Variants in PLCD3 observed in about 807,000 individuals in gnomAD.
PLCD3 encodes 1-phosphatidylinositol 4,5-bisphosphate phosphodiesterase delta-3.
PLCD3 carries 62 observed loss-of-function variants against 82.8 expected under a neutral mutation model. The observed-to-expected ratio is 0.75, with a 90% CI of 0.61 to 0.93. The LOEUF (loss-of-function observed/expected upper bound fraction) is 0.93. PLCD3 is among the 40% of genes least tolerant of loss of function. The pLI is 0.00. For missense variants in PLCD3, 1,023 were observed against 1,103.4 expected (o/e 0.93, Z 1.03); for synonymous variants, 478 against 471.8 (o/e 1.01, Z -0.17).
chr17:45,114,905 G>A (rs79923655), intron 10 of PLCD3, among the ~76,000 whole-genome samples, 189 bp downstream of exon 10: 1,621 of 152,088 alleles, frequency 0.011, 27 homozygotes, highest in African/African-American at 0.037. Context: ...ACAGCAGGCC[G>A]CCCTCAGCGT....
chr17:45,118,048 G>A lies in PLCD3; in HGVS notation c.1206C>T (p.Thr402=), dbSNP rs772167519. The change falls in exon 7 of 15, where the codon ACC becomes ACT. Residue 402 remains threonine (T), a synonymous_variant. Transcript: ENST00000619929. This position sits in a 1 kb window ranked among gnomAD's most constrained non-coding sequence, Gnocchi z 4.1. ...CCACGTCCCGGAAGAGAATCTTGGA[G>A]GTGAGGGTATGGCCATGATAGATGA... ...EPVIYHGHTL[T]SKILFRDVVQ... is the part of the protein sequence containing the mutation. 3 of 1,613,710 alleles carry A rather than the reference G, an allele frequency of 1.9e-6. No homozygotes were observed. The highest frequency in any genetic ancestry group is 1.7e-5 in the Admixed American group (1 of 59,986).
In PLCD3 at chr17:45,115,449, G is replaced by A. The variant is rs146128980; in HGVS notation, c.1455C>T (p.Pro485=). Residue 485 remains proline, a synonymous_variant, in exon 9 of 15, where the codon CCC becomes CCT. Transcript: ENST00000619929. ...CCCGGCCATCCTCGCTCCGAGCAGC[G>A]GGCAACTTCTTTCCCTTCACCAGGA... ...GRVLVKGKKL[P]AARSEDGRAL... The A allele has an allele frequency of 2.3e-5, 37 of 1,612,396 alleles. No individual in the cohort carries two copies. Among genetic ancestry groups the A allele is most frequent in the East Asian group, 2.0e-4 (9 of 44,822 alleles).
At chr17:45,116,815 A>T in intron 7 of PLCD3, 31 bp from the exon 8 acceptor site, 1 of 1,528,960 alleles carries the variant, frequency 6.5e-7, no homozygotes, top group Non-Finnish European at 8.8e-7. Context: ...GCTCAGAGCC[A>T]CTCCCCTCCC....
chr17:45,119,215 G>A (rs948415846), intron 4 of PLCD3, 172 bp from the exon 5 acceptor site: 2 of 620,130 alleles, frequency 3.2e-6, no homozygotes, highest in African/African-American at 3.7e-5. Context: ...TACAGGGCAG[G>A]ATTTTTTGGT....
chr17:45,129,544 G>A (rs781238738), intron 1 of PLCD3, among the ~76,000 whole-genome samples: 1 of 152,238 alleles, frequency 6.6e-6, no homozygotes, highest in African/African-American at 2.4e-5. Context: ...TCTGGCAGCA[G>A]GCAGGCATGT....
chr17:45,120,113 C>T (rs1598031918), intron 4 of PLCD3, among the ~76,000 whole-genome samples: 1 of 152,230 alleles, frequency 6.6e-6, no homozygotes, highest in Non-Finnish European at 1.5e-5. Context: ...AGTTCTGGGC[C>T]CCGGCTCCCC....
rs115344430 is a variant in PLCD3 at position 45,113,174 on chromosome 17, A to G, written c.2079T>C (p.His693=). The stretch of plus-strand genomic sequence containing the variant: ...GCCGGGCACAGTCTGCGGGCACCCC[A>G]TGGATCTCAATGCGCACCAGGGGGT... ...IVDPLVRIEI[H]GVPADCARQE... Residue 693 remains histidine (H), a synonymous_variant, in exon 13 of 15, where the codon CAT becomes CAC. Coordinates refer to ENST00000619929, the MANE Select transcript of PLCD3 (RefSeq NM_133373.5). The G allele has an allele frequency of 3.0e-3, 4,884 of 1,612,766 alleles. 130 individuals carry two copies. The African/African-American group carries it at 0.054, about 18-fold the overall frequency.
chr17:45,116,913 G>T, intron 7 of PLCD3, 129 bp from the exon 8 acceptor site: 1 of 1,209,004 alleles, frequency 8.3e-7, no homozygotes, highest in Non-Finnish European at 1.1e-6. Context: ...GGAAGCAGCA[G>T]ACTGTCCAGG....
At chr17:45,127,005 AG>A (rs1356765668) in intron 1 of PLCD3, among the ~76,000 whole-genome samples, 2 of 152,256 alleles carry the variant, frequency 1.3e-5, no homozygotes, top group Non-Finnish European at 2.9e-5. Flanking sequence ...AGAAGCAGAC[AG>A]CCAGGTCGGC....
rs3744759 is a variant in PLCD3 at position 45,118,332 on chromosome 17, G to A, written c.1074C>T (p.Asp358=). 0.044 allele frequency: 70,960 copies of A among 1,613,964 alleles called. 6,714 individuals are homozygous for A. The highest frequency in any genetic ancestry group is 0.3 in the African/African-American group (22,177 of 74,990). The stretch of plus-strand genomic sequence containing the variant: ...TGCTGCTGGGCCCCCCGATCTGGGA[G>A]TCAGTCAGATAGGTGTTGTGGGAGG... ...ISSSHNTYLT[D]SQIGGPSSTE... The change falls in exon 6 of 15, where the codon GAC becomes GAT. Residue 358 remains aspartate (D), a synonymous_variant. Transcript: ENST00000619929. This position sits in a 1 kb window ranked among gnomAD's most constrained non-coding sequence, Gnocchi z 4.1.
intron 7 of PLCD3, among the ~76,000 whole-genome samples, 165 bp from the exon 8 acceptor site, chr17:45,116,949 T>C (rs1395900351): frequency 1.3e-5 from 2 of 150,680 alleles, no homozygotes; most frequent in Non-Finnish European, 3.0e-5. Context: ...GCAGGAATTA[T>C]TTTTTTTTTC....
rs2054237687 is a variant in PLCD3, at chr17:45,110,956, G to C, written c.*1660C>G. On this transcript the variant is annotated 3_prime_UTR_variant, in exon 15 of 15. Coordinates refer to ENST00000619929, the MANE Select transcript of PLCD3 (RefSeq NM_133373.5). ...GAGTCTGCCCCAGCCCTGTGTTTTG[G>C]TTTCTGTGGGGCTTGGGGCCAGTTC... is the stretch of plus-strand genomic sequence containing the variant. The C allele has an allele frequency of 6.6e-6, 1 of 152,200 alleles. No individual in the cohort carries two copies. Among genetic ancestry groups the C allele is most frequent in the African/African-American group, 2.4e-5 (1 of 41,428 alleles). The allele number at this position is 152,200 out of a possible 1,614,324, so 9.4% of individuals were successfully genotyped here. A position where few individuals can be genotyped will look rare whatever the true frequency, so the allele number is the denominator to read the frequency against.
At position 45,114,289 on chromosome 17, in the gene PLCD3, A is replaced by T. The variant is rs2054271817; in HGVS notation, c.1789T>A (p.Tyr597Asn). 3 of 1,548,034 alleles carry T rather than the reference A, an allele frequency of 1.9e-6. No homozygotes were observed. Among genetic ancestry groups the T allele is most frequent in the Non-Finnish European group, 2.6e-6 (3 of 1,145,726 alleles). The change falls in exon 11 of 15, where the codon TAC (tyrosine) becomes AAC (asparagine). Residue 597 changes from tyrosine (Y) to asparagine (N), a missense_variant. Physicochemically the swap from Tyr to Asn is moderately radical, Grantham distance 143. Transcript: ENST00000619929. ...PLGLRMNSAN[Y>N]SPQEMWNSGC... ...GAGTTCCACATCTCCTGGGGACTGTAGTTGGCTGAGTTCATCCGCAGCCCC... is the reference window on the plus strand; with the variant it reads ...GAGTTCCACATCTCCTGGGGACTGTTGTTGGCTGAGTTCATCCGCAGCCCC...
chr17:45,115,999 C>T (rs572478254), intron 8 of PLCD3, among the ~76,000 whole-genome samples: 1 of 152,302 alleles, frequency 6.6e-6, no homozygotes, highest in East Asian at 1.9e-4. Context: ...GCTCAGTTTT[C>T]TTTTACCATA....
At position 45,111,013 on chromosome 17, in the gene PLCD3, C is replaced by G. The variant is rs2054237956; in HGVS notation, c.*1603G>C. 6.6e-6 allele frequency: 1 copy of G among 152,290 alleles called. No individual in the cohort carries two copies. The highest frequency in any genetic ancestry group is 2.4e-5 in the African/African-American group (1 of 41,466). The allele number at this position is 152,290 out of a possible 1,614,324, so 9.4% of individuals were successfully genotyped here. A position where few individuals can be genotyped will look rare whatever the true frequency, so the allele number is the denominator to read the frequency against. On this transcript the variant is annotated 3_prime_UTR_variant, in exon 15 of 15. Transcript: ENST00000619929. ...TATCCCAGCCCAGTTCCAGGCCACC[C>G]TCTGGGGACTAATGTCAAGTTCTGC... is the stretch of plus-strand genomic sequence containing the variant.
chr17:45,118,835 G>A lies in PLCD3; in HGVS notation c.893C>T (p.Thr298Ile). The change falls in exon 5 of 15, where the codon ACC (threonine) becomes ATC (isoleucine). Residue 298 changes from threonine to isoleucine, a missense_variant. Physicochemically the swap from Thr to Ile is moderately conservative, Grantham distance 89. Around this residue, in one of 3 missense-constraint regions of PLCD3, gnomAD observed 448 missense variants for 406.3 expected, o/e 1.10. Coordinates refer to ENST00000619929, the MANE Select transcript of PLCD3 (RefSeq NM_133373.5). This position sits in a 1 kb window ranked among gnomAD's most constrained non-coding sequence, Gnocchi z 4.1. ...TLARAQQLIQ[T>I]YELNETAKQH... ...CCCACCTGTCTCGTTGAGCTCATAG[G>A]TCTGAATGAGCTGCTGGGCGCGGGC... is the stretch of plus-strand genomic sequence containing the variant. The A allele has an allele frequency of 6.2e-7, 1 of 1,610,614 alleles. No homozygotes were observed. The highest frequency in any genetic ancestry group is 8.5e-7 in the Non-Finnish European group (1 of 1,179,114).
At position 45,118,967 on chromosome 17, in the gene PLCD3, G is replaced by C. The variant is rs767261101; in HGVS notation, c.761C>G (p.Pro254Arg). 1.9e-6 allele frequency: 3 copies of C among 1,611,912 alleles called. No homozygotes were observed. The highest frequency in any genetic ancestry group is 3.3e-5 in the Admixed American group (2 of 59,908). Reference protein sequence around the residue: ...EEFLRRLLKRPELEEIFHQYS... With the variant: ...EEFLRRLLKRRELEEIFHQYS... ...CTGATGGAAGATCTCCTCCAGCTCC[G>C]GCCGCTTCAGCAGCCGCCGCAGGAA... Residue 254 changes from proline to arginine, a missense_variant, in exon 5 of 15, where the codon CCG (proline) becomes CGG (arginine). Pro to Arg is a moderately radical substitution (Grantham distance 103). Transcript: ENST00000619929. The surrounding 1 kb of genome is among the most constrained non-coding windows in gnomAD (Gnocchi z 4.1).
Position 45,115,351 on chromosome 17 carries a change from C to A in PLCD3, c.1553G>T (p.Arg518Met). The A allele has an allele frequency of 6.4e-7, 1 of 1,557,016 alleles. No homozygotes were observed. ...ACCCATCCCAGCTCTCACCAGCCGC[C>A]TCTGCGCTGCAGCCTCCACCTCCTC... ...EEEEVEAAAQ[R>M]RLAKQISPEL... Residue 518 changes from arginine to methionine, a missense_variant, in exon 9 of 15, where the codon AGG (arginine) becomes ATG (methionine). Transcript: ENST00000619929.
At chr17:45,123,162 A>C (rs2054354304) in intron 1 of PLCD3, among the ~76,000 whole-genome samples, 1 of 152,028 alleles carries the variant, frequency 6.6e-6, no homozygotes, top group South Asian at 2.1e-4. Context: ...TAAGGAATTG[A>C]GTCTATATCT....
Sources: allele counts gnomAD v4.1 joint callset (sites outside exome capture counted in the v4.1 genomes callset), GRCh38; gene constraint gnomAD v4.1.1; regional missense constraint gnomAD v4.1.1; non-coding constraint Gnocchi (gnomAD v3.1); transcripts MANE v1.5; gene names NCBI Gene and HGNC (gene_info 2026-07-23, HGNC 2026-07-21).